Variants in YAF2 observed in about 807,000 individuals in gnomAD.
YAF2 encodes YY1-associated factor 2.
YAF2 carries 7 observed loss-of-function variants against 20.1 expected under a neutral mutation model. That is an observed-to-expected ratio of 0.35 (90% CI 0.20 to 0.65). The LOEUF is 0.65. YAF2 is among the 30% of genes least tolerant of loss of function. The pLI is 0.69. For synonymous variants in YAF2, 74 were observed against 76.0 expected, an observed-to-expected ratio of 0.97 and a Z score of 0.14; for missense variants, 151 against 219.2, an observed-to-expected ratio of 0.69 and a Z score of 1.96.
chr12:42,199,037 T>C lies in YAF2; in HGVS notation c.153-37272A>G, dbSNP rs140503120. On this transcript the variant is annotated intron_variant, in intron 2 of 3. Coordinates refer to ENST00000534854, the MANE Select transcript of YAF2 (RefSeq NM_005748.6). ...TAATTTCATGTGACTATTTTAACAT[T>C]TTTGTTGAATTTAATATTGTTTGTT... is the stretch of plus-strand genomic sequence containing the variant. 6.4e-3 allele frequency: 3,702 copies of C among 580,734 alleles called. 29 individuals are homozygous for C. The highest frequency in any genetic ancestry group is 0.051 in the Middle Eastern group (148 of 2,912). 36.0% of individuals were successfully genotyped at this position (580,734 alleles called of 1,614,324 possible). A position where few individuals can be genotyped will look rare whatever the true frequency, so the allele number is the denominator to read the frequency against.
chr12:42,171,298 T>C (rs2066041480), intron 2 of YAF2, among the ~76,000 whole-genome samples: 1 of 152,118 alleles, frequency 6.6e-6, no homozygotes, highest in African/African-American at 2.4e-5. Context: ...GCCAGAACTG[T>C]TTAATCTGTA....
rs557053017 is a variant in YAF2 at position 42,207,137 on chromosome 12, C to G, written c.152+30462G>C. Among the ~76,000 whole-genome samples the G allele has an allele frequency of 6.6e-5, 10 of 152,212 alleles. No individual in the cohort carries two copies. In the South Asian group the frequency reaches 1.0e-3, roughly 16 times the overall value. On this transcript the variant is annotated intron_variant, in intron 2 of 3. Coordinates refer to ENST00000534854, the MANE Select transcript of YAF2 (RefSeq NM_005748.6). ...AATATAACGACCATATCATTCACACCAAAGAAACTATGAGATTGAACAGAA... is the reference window on the plus strand; with the variant it reads ...AATATAACGACCATATCATTCACACGAAAGAAACTATGAGATTGAACAGAA...
Position 42,238,216 on chromosome 12 carries a change from G to A in YAF2, c.-36C>T. The A allele has an allele frequency of 7.2e-7, 1 of 1,393,524 alleles. No homozygotes were observed. The highest frequency in any genetic ancestry group is 9.5e-7 in the Non-Finnish European group (1 of 1,053,386). 86.3% of individuals were successfully genotyped at this position (1,393,524 alleles called of 1,614,324 possible). ...TCACCGCACGCCGAGAGTCGCCGCC[G>A]CGACCGCTCTGTTTGTCAATAAGGA... On this transcript the variant is annotated 5_prime_UTR_variant, in exon 1 of 4. Transcript: ENST00000534854.
At chr12:42,161,282 C>T (rs1407398501) in intron 3 of YAF2, 1 of 254,118 alleles carries the variant, frequency 3.9e-6, no homozygotes, top group African/African-American at 2.3e-5. Context: ...GGTTAAAACC[C>T]ATGCAATTAT....
chr12:42,196,655 A>G (rs971244413), intron 2 of YAF2, among the ~76,000 whole-genome samples: 2 of 152,230 alleles, frequency 1.3e-5, no homozygotes, highest in African/African-American at 2.4e-5. Flanking sequence ...TGTGGAAAGC[A>G]AAAGCCCCAA....
intron 2 of YAF2, among the ~76,000 whole-genome samples, chr12:42,230,275 A>AAAGAG (rs201366865): frequency 0.01 from 1,527 of 152,052 alleles, 26 homozygotes; most frequent in African/African-American, 0.035. Flanking sequence ...GAAAGAGAAG[A>AAAGAG]AAGAGAAGAA....
intron 2 of YAF2, among the ~76,000 whole-genome samples, chr12:42,196,510 A>G (rs2066757115): frequency 6.6e-6 from 1 of 152,218 alleles, no homozygotes; most frequent in African/African-American, 2.4e-5. Context: ...AAGAAAATAA[A>G]TAAAGTTTAT....
intron 2 of YAF2, among the ~76,000 whole-genome samples, chr12:42,162,395 C>T (rs2065818565): frequency 6.6e-6 from 1 of 152,158 alleles, no homozygotes; most frequent in Non-Finnish European, 1.5e-5. Context: ...ACTGTAAGAA[C>T]TGTTCAGGGA....
intron 2 of YAF2, among the ~76,000 whole-genome samples, chr12:42,215,058 TTGTTCTCCTC>T (rs2067314080): frequency 6.6e-6 from 1 of 152,146 alleles, no homozygotes; most frequent in African/African-American, 2.4e-5. Flanking sequence ...AAAATGTGTC[TTGTTCTCCTC>T]TGTAACTCCA....
intron 2 of YAF2, among the ~76,000 whole-genome samples, chr12:42,228,425 T>C (rs1316317399): frequency 4.8e-5 from 1 of 20,902 alleles, no homozygotes; most frequent in Non-Finnish European, 8.5e-5. Flanking sequence ...GGGAGGGAGG[T>C]GGGGGGGTCA....
At chr12:42,234,182 A>G (rs1592071258) in intron 2 of YAF2, 2 of 949,750 alleles carry the variant, frequency 2.1e-6, no homozygotes, top group African/African-American at 2.0e-5. Flanking sequence ...TTCTGCCTCA[A>G]AAAAAAAAAG....
chr12:42,215,975 T>G (rs918319232), intron 2 of YAF2, among the ~76,000 whole-genome samples: 5 of 138,272 alleles, frequency 3.6e-5, no homozygotes, highest in Non-Finnish European at 7.9e-5. Context: ...AATAAATAAA[T>G]AAAGCTACTG....
At chr12:42,164,786 A>G (rs1161289831) in intron 2 of YAF2, among the ~76,000 whole-genome samples, 2 of 152,142 alleles carry the variant, frequency 1.3e-5, no homozygotes, top group Non-Finnish European at 2.9e-5. Context: ...CCACCTGTTT[A>G]CAACCAAGCG....
intron 2 of YAF2, among the ~76,000 whole-genome samples, chr12:42,204,202 G>C (rs183907894): frequency 1.3e-5 from 2 of 152,322 alleles, no homozygotes; most frequent in Admixed American, 1.3e-4. Context: ...TACACTGCTG[G>C]TGGGAAAATA....
chr12:42,193,082 G>T (rs1007255887), intron 2 of YAF2, among the ~76,000 whole-genome samples: 1 of 151,368 alleles, frequency 6.6e-6, no homozygotes, highest in Non-Finnish European at 1.5e-5. Context: ...GGGTGGCCGA[G>T]GGGGGGCAGA....
Position 42,203,740 on chromosome 12 carries a change from A to C in YAF2, c.152+33859T>G, listed in dbSNP as rs77054045. On this transcript the variant is annotated intron_variant, in intron 2 of 3. Coordinates refer to ENST00000534854, the MANE Select transcript of YAF2 (RefSeq NM_005748.6). Reference sequence around the variant, plus strand: ...TAAAATTTTTATGTCTGTGTTCATAAGTAAGACTGAATGTAATATATTTTC... The same window carrying C: ...TAAAATTTTTATGTCTGTGTTCATACGTAAGACTGAATGTAATATATTTTC... Among the ~76,000 whole-genome samples the C allele has an allele frequency of 7.0e-3, 1,064 of 152,308 alleles. 39 individuals are homozygous for C. In the East Asian group the frequency reaches 0.085, roughly 12 times the overall value.
In YAF2 at chr12:42,158,082, G is replaced by A. The variant is rs773224087; in HGVS notation, c.*2507C>T. ...CCTAAACCTAGGTTCTGAATCTTTC[G>A]CATATTTTAACGTCAGTTCTGTTTA... On this transcript the variant is annotated 3_prime_UTR_variant, in exon 4 of 4. Transcript: ENST00000534854. 2.6e-5 allele frequency: 4 copies of A among 152,134 alleles called. No homozygotes were observed. Among genetic ancestry groups the A allele is most frequent in the Admixed American group, 6.5e-5 (1 of 15,282 alleles). The allele number at this position is 152,134 out of a possible 1,614,324, so 9.4% of individuals were successfully genotyped here.
At chr12:42,209,468 G>T (rs1293785573) in intron 2 of YAF2, among the ~76,000 whole-genome samples, 1 of 150,572 alleles carries the variant, frequency 6.6e-6, no homozygotes, top group Non-Finnish European at 1.5e-5. Context: ...GGAGGCTGAA[G>T]TGGGAGGATG....
At position 42,178,215 on chromosome 12, in the gene YAF2, C is replaced by A. The variant is rs553534943; in HGVS notation, c.153-16450G>T. ...AATTTCCAGGGATCTGTGATCCTAT[C>A]GCACTTGTTTTCAACCCTGGCTACA... is the stretch of plus-strand genomic sequence containing the variant. On this transcript the variant is annotated intron_variant, in intron 2 of 3. Transcript: ENST00000534854. Among the ~76,000 whole-genome samples, 5 of 152,260 alleles carry A rather than the reference C, an allele frequency of 3.3e-5. No individual in the cohort carries two copies. The South Asian group carries it at 1.0e-3, about 32-fold the overall frequency.
Sources: allele counts gnomAD v4.1 joint callset (sites outside exome capture counted in the v4.1 genomes callset), GRCh38; gene constraint gnomAD v4.1.1; transcripts MANE v1.5; gene names NCBI Gene and HGNC (gene_info 2026-07-23, HGNC 2026-07-21).